Variants in TMEM117 observed in about 807,000 individuals in gnomAD.
TMEM117 encodes transmembrane protein 117.
Under a neutral mutation model 52.4 loss-of-function variants are expected in TMEM117, and 27 were observed. The observed-to-expected ratio is 0.51, with a 90% CI of 0.38 to 0.71. The LOEUF is 0.71. Ranked by LOEUF, TMEM117 falls within the 30% of genes least tolerant of loss-of-function variation. TMEM117 has a pLI of 0.00. For synonymous variants in TMEM117, 215 were observed against 206.3 expected (o/e 1.04, Z -0.36); for missense variants, 556 against 630.5 (o/e 0.88, Z 1.26).
intron 2 of TMEM117, among the ~76,000 whole-genome samples, chr12:43,898,044 GCACGCACA>G (rs1565740411): frequency 1.6e-5 from 2 of 127,768 alleles, no homozygotes; most frequent in Non-Finnish European, 3.3e-5. Flanking sequence ...ACACACACAC[GCACGCACA>G]CACACACACA....
At chr12:44,008,913 T>C in intron 3 of TMEM117, 2 of 405,426 alleles carry the variant, frequency 4.9e-6, no homozygotes, top group Non-Finnish European at 9.7e-6. Flanking sequence ...CTTTGATGTG[T>C]CATGTAGTGC....
At chr12:43,844,950 A>G in intron 2 of TMEM117, 22 bp downstream of exon 2, 1 of 1,583,114 alleles carries the variant, frequency 6.3e-7, no homozygotes, top group Non-Finnish European at 8.5e-7. Context: ...GACCCATGAA[A>G]TGTAATATCA....
chr12:43,894,603 T>C (rs1592340768), intron 2 of TMEM117, among the ~76,000 whole-genome samples: 1 of 152,160 alleles, frequency 6.6e-6, no homozygotes, highest in Non-Finnish European at 1.5e-5. Context: ...TCTGTGTAAG[T>C]CTGTGTGTTC....
At chr12:44,142,075 C>A (rs1291914011) in intron 3 of TMEM117, among the ~76,000 whole-genome samples, 1 of 152,060 alleles carries the variant, frequency 6.6e-6, no homozygotes, top group Non-Finnish European at 1.5e-5. Context: ...AAATCCTGTC[C>A]ATTTACCAGA....
At chr12:44,175,889 T>C (rs892081718) in intron 4 of TMEM117, among the ~76,000 whole-genome samples, 23 of 152,074 alleles carry the variant, frequency 1.5e-4, no homozygotes, top group African/African-American at 5.6e-4. Flanking sequence ...GAATGAATGG[T>C]TTTTGTTGAT....
intron 6 of TMEM117, among the ~76,000 whole-genome samples, chr12:44,350,990 A>C (rs1228694255): frequency 2.0e-5 from 3 of 152,148 alleles, no homozygotes; most frequent in East Asian, 1.9e-4. Flanking sequence ...AACAGTGTAC[A>C]AGGGTTCCCC....
intron 3 of TMEM117, chr12:44,073,761 C>A (rs1947339795): frequency 6.6e-6 from 1 of 152,118 alleles, no homozygotes; most frequent in Admixed American, 6.5e-5. Context: ...TGCACTCTTA[C>A]TACATTTGCA....
At chr12:43,907,066 G>T (rs896092004) in intron 2 of TMEM117, among the ~76,000 whole-genome samples, 2 of 152,198 alleles carry the variant, frequency 1.3e-5, no homozygotes, top group African/African-American at 2.4e-5. Flanking sequence ...CAAAAAGACA[G>T]CAGTAACCTC....
At chr12:44,328,051 T>C (rs1951219737) in intron 6 of TMEM117, among the ~76,000 whole-genome samples, 1 of 152,224 alleles carries the variant, frequency 6.6e-6, no homozygotes, top group Non-Finnish European at 1.5e-5. Flanking sequence ...TTGTAAATAG[T>C]GAACTTGTCA....
chr12:44,188,471 G>C (rs1949307025), intron 4 of TMEM117, among the ~76,000 whole-genome samples: 2 of 152,052 alleles, frequency 1.3e-5, no homozygotes, highest in African/African-American at 4.8e-5. Context: ...GCCATTCCTG[G>C]GGGCCAGAGA....
intron 3 of TMEM117, among the ~76,000 whole-genome samples, chr12:44,119,661 C>T (rs1948201720): frequency 6.6e-6 from 1 of 152,152 alleles, no homozygotes; most frequent in Admixed American, 6.5e-5. Flanking sequence ...ACCTGACTAC[C>T]TGGGGCTGTG....
intron 2 of TMEM117, among the ~76,000 whole-genome samples, chr12:43,850,860 GTGA>G (rs35565680): frequency 0.27 from 40,533 of 151,374 alleles, 8,389 homozygotes; most frequent in African/African-American, 0.59. Context: ...CTTCTGATAG[GTGA>G]TGATGATGGT....
chr12:43,865,682 A>G (rs565254059), intron 2 of TMEM117, among the ~76,000 whole-genome samples: 93 of 148,918 alleles, frequency 6.2e-4, no homozygotes, highest in African/African-American at 2.2e-3. Flanking sequence ...GGGTGACAGA[A>G]CGAGACTCCG....
chr12:43,952,072 CAGAA>C (rs1488278087), intron 3 of TMEM117, among the ~76,000 whole-genome samples: 2 of 152,110 alleles, frequency 1.3e-5, no homozygotes, highest in Non-Finnish European at 2.9e-5. Flanking sequence ...GACAAACAAA[CAGAA>C]AGCAACAATA....
chr12:43,973,289 G>A (rs1945621590), intron 3 of TMEM117, among the ~76,000 whole-genome samples: 1 of 151,912 alleles, frequency 6.6e-6, no homozygotes, highest in Non-Finnish European at 1.5e-5. Flanking sequence ...GACAAAAAAT[G>A]GAGAAAAATA....
At chr12:44,330,215 T>G (rs981249763) in intron 6 of TMEM117, among the ~76,000 whole-genome samples, 4 of 152,108 alleles carry the variant, frequency 2.6e-5, no homozygotes, top group African/African-American at 9.6e-5. Context: ...GGTATCTCAT[T>G]GTGGTTTTGA....
intron 3 of TMEM117, among the ~76,000 whole-genome samples, chr12:43,989,276 T>C (rs1475407887): frequency 1.3e-5 from 2 of 152,110 alleles, no homozygotes; most frequent in Non-Finnish European, 2.9e-5. Flanking sequence ...TGGGCGTATG[T>C]TTATATTATT....
intron 6 of TMEM117, among the ~76,000 whole-genome samples, chr12:44,324,059 A>G (rs12313462): frequency 0.031 from 4,780 of 152,112 alleles, 253 homozygotes; most frequent in African/African-American, 0.11. Context: ...AATGGTATTT[A>G]GAGAGAAAAG....
At chr12:44,242,474 C>CT (rs1263905484) in intron 5 of TMEM117, among the ~76,000 whole-genome samples, 4 of 151,624 alleles carry the variant, frequency 2.6e-5, no homozygotes, top group African/African-American at 9.7e-5. Flanking sequence ...TGATCTCATT[C>CT]TTTTTTTATG....
Sources: allele counts gnomAD v4.1 joint callset (sites outside exome capture counted in the v4.1 genomes callset), GRCh38; gene constraint gnomAD v4.1.1; transcripts MANE v1.5; gene names NCBI Gene and HGNC (gene_info 2026-07-23, HGNC 2026-07-21).